Variants in ADK observed in about 807,000 individuals in gnomAD.
ADK encodes the protein adenosine kinase.
A neutral mutation model predicts 44.7 loss-of-function variants in ADK; 24 were observed. That is an observed-to-expected ratio of 0.54 (90% CI 0.39 to 0.76). The LOEUF is 0.76. Among genes scored for constraint, ADK ranks in the 30% least tolerant of loss-of-function variants. ADK has a pLI of 0.00. For missense variants in ADK, 321 were observed against 425.1 expected (o/e 0.76, Z 2.15); for synonymous variants, 128 against 142.6 (o/e 0.90, Z 0.73).
rs984507802 is a variant in ADK at position 74,379,280 on chromosome 10, G to A, written c.274-14861G>A. ...TATGGTAACTTGGATGGGTGGTAGC[G>A]TGGAGTTAATGAAAAGTGGTTGAAA... On this transcript the variant is annotated intron_variant, in intron 4 of 10. Transcript: ENST00000539909. 4.6e-5 allele frequency among the ~76,000 whole-genome samples: 7 copies of A among 152,288 alleles called. 1 individual carries two copies. The highest frequency in any genetic ancestry group is 2.4e-5 in the African/African-American group (1 of 41,552).
At chr10:74,619,179 G>A (rs898560075) in intron 9 of ADK, among the ~76,000 whole-genome samples, 8 of 152,188 alleles carry the variant, frequency 5.3e-5, no homozygotes, top group Non-Finnish European at 8.8e-5. Context: ...GTGAGGCTGG[G>A]TCCAGTGGCT....
chr10:74,601,936 A>AT (rs11427347), intron 9 of ADK, among the ~76,000 whole-genome samples: 65,568 of 142,900 alleles, frequency 0.46, 18,681 homozygotes, highest in African/African-American at 0.79. Flanking sequence ...ACAAAAAAAA[A>AT]TGGAAAAAAA....
chr10:74,222,061 A>G (rs1347188489), intron 2 of ADK, among the ~76,000 whole-genome samples: 1 of 152,248 alleles, frequency 6.6e-6, no homozygotes, highest in African/African-American at 2.4e-5. Context: ...AACTACCATC[A>G]GAGTGAACAG....
intron 4 of ADK, chr10:74,372,236 T>C: frequency 1.3e-6 from 1 of 761,778 alleles, no homozygotes; most frequent in Admixed American, 1.7e-5. Context: ...CTCCAGCTCC[T>C]GAGTTAACTG....
chr10:74,534,925 G>C (rs934582358), intron 7 of ADK, among the ~76,000 whole-genome samples: 1 of 152,042 alleles, frequency 6.6e-6, no homozygotes, highest in Non-Finnish European at 1.5e-5. Context: ...TGAAATTTGT[G>C]TTCATTATTT....
At chr10:74,357,700 G>A (rs1183346176) in intron 4 of ADK, among the ~76,000 whole-genome samples, 1 of 152,062 alleles carries the variant, frequency 6.6e-6, no homozygotes, top group East Asian at 1.9e-4. Flanking sequence ...TACATAGACC[G>A]ATAAAATAAG....
intron 4 of ADK, among the ~76,000 whole-genome samples, chr10:74,345,136 T>C (rs543405524): frequency 1.1e-3 from 168 of 152,362 alleles, no homozygotes; most frequent in African/African-American, 3.9e-3. Flanking sequence ...TCTTGTTATA[T>C]AGGTCTGTTC....
At chr10:74,597,311 A>ACC (rs1204673293) in intron 8 of ADK, among the ~76,000 whole-genome samples, 1 of 152,168 alleles carries the variant, frequency 6.6e-6, no homozygotes, top group African/African-American at 2.4e-5. Flanking sequence ...ATTCCCACAT[A>ACC]CCCTTCACCC....
At chr10:74,464,968 G>A (rs1161301529) in intron 6 of ADK, among the ~76,000 whole-genome samples, 4 of 152,100 alleles carry the variant, frequency 2.6e-5, no homozygotes, top group Non-Finnish European at 5.9e-5. Flanking sequence ...TTTTCTAGGT[G>A]GTGAATTTAT....
chr10:74,677,965 C>CAAA (rs3037448), intron 10 of ADK, among the ~76,000 whole-genome samples: 21,810 of 43,052 alleles, frequency 0.51, 8,939 homozygotes, highest in Middle Eastern at 0.7. Flanking sequence ...CCAGTCTCTA[C>CAAA]AAAAAAAAAA....
chr10:74,696,722 T>A (rs1397321366), intron 10 of ADK, among the ~76,000 whole-genome samples: 1 of 152,222 alleles, frequency 6.6e-6, no homozygotes, highest in Non-Finnish European at 1.5e-5. Context: ...TTTGTAATTT[T>A]ACTGTTTCCC....
At chr10:74,190,878 C>T (rs1334819676) in intron 1 of ADK, among the ~76,000 whole-genome samples, 1 of 151,964 alleles carries the variant, frequency 6.6e-6, no homozygotes, top group Admixed American at 6.6e-5. Context: ...ACAAAGCTTG[C>T]TATTCTTACT....
chr10:74,547,392 T>C (rs1283870980), intron 7 of ADK, among the ~76,000 whole-genome samples: 1 of 150,284 alleles, frequency 6.7e-6, no homozygotes, highest in Non-Finnish European at 1.5e-5. Flanking sequence ...TGTAAATTCT[T>C]AACCAATTGA....
chr10:74,199,310 A>G (rs1843284683), intron 1 of ADK, among the ~76,000 whole-genome samples: 2 of 152,326 alleles, frequency 1.3e-5, no homozygotes, highest in East Asian at 3.9e-4. Flanking sequence ...ATAGTAACCA[A>G]TAGGTAGTTT....
At chr10:74,599,256 A>G (rs895391617) in intron 8 of ADK, among the ~76,000 whole-genome samples, 2 of 152,220 alleles carry the variant, frequency 1.3e-5, no homozygotes, top group Non-Finnish European at 2.9e-5. Context: ...GCTTAGCTTC[A>G]TATATTATCT....
chr10:74,456,603 C>T (rs1845953737), intron 6 of ADK, among the ~76,000 whole-genome samples: 1 of 136,208 alleles, frequency 7.3e-6, no homozygotes. Flanking sequence ...GGAGGCGGAG[C>T]TTGCAGTGAG....
rs115271128 is a variant in ADK at position 74,523,564 on chromosome 10, A to T, written c.556-1692A>T. 4.1e-3 allele frequency among the ~76,000 whole-genome samples: 625 copies of T among 152,090 alleles called. 3 individuals are homozygous for T. Among genetic ancestry groups the T allele is most frequent in the African/African-American group, 0.014 (588 of 41,470 alleles). ...CTGTGTTCTCTGCCTTGGGAATTAC[A>T]CCACCTCTTTGACCTCACCTCTTTC... On this transcript the variant is annotated intron_variant, in intron 6 of 10. Coordinates refer to ENST00000539909, the MANE Select transcript of ADK (RefSeq NM_006721.4).
At chr10:74,320,748 G>A (rs543575393) in intron 4 of ADK, among the ~76,000 whole-genome samples, 16 of 151,916 alleles carry the variant, frequency 1.1e-4, no homozygotes, top group South Asian at 2.1e-4. Flanking sequence ...TTTTTTTACC[G>A]GAGATTTTTC....
At chr10:74,164,997 T>G (rs1249940500) in intron 1 of ADK, among the ~76,000 whole-genome samples, 1 of 152,196 alleles carries the variant, frequency 6.6e-6, no homozygotes, top group Non-Finnish European at 1.5e-5. Flanking sequence ...GAGAAACTAC[T>G]TTCATATTTC....
Sources: gnomAD v4.1 joint callset for allele counts (sites outside exome capture counted in the v4.1 genomes callset) on GRCh38, gnomAD v4.1.1 for gene constraint, MANE v1.5 for transcripts, NCBI Gene and HGNC (gene_info 2026-07-23, HGNC 2026-07-21) for gene names.